Variants in HCRTR1 observed in about 807,000 individuals in gnomAD.
The protein encoded by HCRTR1 is orexin/Hypocretin receptor type 1.
HCRTR1 carries 28 observed loss-of-function variants against 40.6 expected under a neutral mutation model. The ratio of observed to expected loss-of-function variants is 0.69; its 90% CI spans 0.51 to 0.95. HCRTR1 has a LOEUF of 0.95. Ranked by LOEUF, HCRTR1 falls within the 40% of genes least tolerant of loss-of-function variation. The pLI, the probability that HCRTR1 is intolerant of heterozygous loss-of-function variation, is 0.00. For synonymous variants in HCRTR1, 209 were observed against 230.0 expected (o/e 0.91, Z 0.83); for missense variants, 482 against 564.7 (o/e 0.85, Z 1.48).
downstream of HCRTR1, chr1:31,632,472 C>T (rs748792832): frequency 1.2e-5 from 20 of 1,614,116 alleles, no homozygotes; most frequent in South Asian, 3.3e-5. Flanking sequence ...TCCTGCCCAT[C>T]GTGCCCCGGC....
rs1169844271 is a variant in HCRTR1, at chr1:31,627,162, T to C, written c.*182T>C. On this transcript the variant is annotated 3_prime_UTR_variant, in exon 9 of 9. Transcript: ENST00000403528. ...GCAGGGTTGATGTGAGGATTAAGCA[T>C]GCTGAAGCAAGTGGAAAGCTCCTTG... 10 of 1,432,938 alleles carry C rather than the reference T, an allele frequency of 7.0e-6. No individual in the cohort carries two copies. Among genetic ancestry groups the C allele is most frequent in the Non-Finnish European group, 9.3e-6 (10 of 1,075,498 alleles). 88.8% of individuals were successfully genotyped at this position (1,432,938 alleles called of 1,614,324 possible).
In HCRTR1 at chr1:31,625,107, A is replaced by C. The variant is rs1416548546; in HGVS notation, c.1076A>C (p.Asn359Thr). The C allele has an allele frequency of 1.2e-6, 2 of 1,610,328 alleles. No homozygotes were observed. The highest frequency in any genetic ancestry group is 3.4e-5 in the Admixed American group (2 of 59,694). Residue 359 changes from asparagine to threonine, a missense_variant, in exon 8 of 9, where the codon AAC becomes ACC. Transcript: ENST00000403528. This position sits in a 1 kb window ranked among gnomAD's most constrained non-coding sequence, Gnocchi z 4.2. ...ANSAANPIIYNFLSGKFREQF... is the reference protein window; with the variant it reads ...ANSAANPIIYTFLSGKFREQF... ...AGCGCTGCCAACCCCATCATCTACA[A>C]CTTCCTCAGTGGTGAGCAGGCTGGG...
chr1:31,619,849 C>A, intron 4 of HCRTR1, 139 bp downstream of exon 4: 1 of 769,198 alleles, frequency 1.3e-6, no homozygotes, highest in Non-Finnish European at 2.0e-6. Flanking sequence ...TCATCCTCTG[C>A]TGCTAGCAAG....
At chr1:31,624,311 T>TA (rs1403368184) in intron 7 of HCRTR1, among the ~76,000 whole-genome samples, 1 of 151,984 alleles carries the variant, frequency 6.6e-6, no homozygotes, top group Non-Finnish European at 1.5e-5. Context: ...TTCAAAAAAT[T>TA]AGCCAGCCAT....
At chr1:31,627,622 T>C, downstream of HCRTR1, 1 of 327,928 alleles carries the variant, frequency 3.0e-6, no homozygotes, top group Non-Finnish European at 6.1e-6. Context: ...AATGTTCCCT[T>C]TCCTTGTCAT....
In HCRTR1 at chr1:31,627,149, T is replaced by C; in HGVS notation, c.*169T>C. The C allele has an allele frequency of 1.4e-6, 2 of 1,416,858 alleles. No homozygotes were observed. Among genetic ancestry groups the C allele is most frequent in the Non-Finnish European group, 1.9e-6 (2 of 1,062,710 alleles). 87.8% of individuals were successfully genotyped at this position (1,416,858 alleles called of 1,614,324 possible). A position where few individuals can be genotyped will look rare whatever the true frequency, so the allele number is the denominator to read the frequency against. On this transcript the variant is annotated 3_prime_UTR_variant, in exon 9 of 9. Transcript: ENST00000403528. ...TTGTGTCCCCTAAGCAGGGTTGATGTGAGGATTAAGCATGCTGAAGCAAGT... is the reference window on the plus strand; with the variant it reads ...TTGTGTCCCCTAAGCAGGGTTGATGCGAGGATTAAGCATGCTGAAGCAAGT...
Position 31,626,912 on chromosome 1 carries a change from A to G in HCRTR1, c.1210A>G (p.Ser404Gly). 1.2e-6 allele frequency: 2 copies of G among 1,613,950 alleles called. No homozygotes were observed. Among genetic ancestry groups the G allele is most frequent in the Non-Finnish European group, 1.7e-6 (2 of 1,180,026 alleles). Residue 404 changes from serine to glycine, a missense_variant, in exon 9 of 9, where the codon AGC (serine) becomes GGC (glycine). Transcript: ENST00000403528. This position sits in a 1 kb window ranked among gnomAD's most constrained non-coding sequence, Gnocchi z 4.6. ...SASHKSLSLQSRCSISKISEH... is the reference protein window; with the variant it reads ...SASHKSLSLQGRCSISKISEH... Reference sequence around the variant, plus strand: ...CAGCCACAAGTCCTTGTCCTTGCAGAGCCGATGCTCCATCTCCAAAATCTC... The same window carrying G: ...CAGCCACAAGTCCTTGTCCTTGCAGGGCCGATGCTCCATCTCCAAAATCTC...
downstream of HCRTR1, chr1:31,629,749 T>C (rs1326803968): frequency 6.6e-6 from 1 of 152,274 alleles, no homozygotes; most frequent in African/African-American, 2.4e-5. Context: ...ACATAGGCAA[T>C]GTCCCCCCAA....
At chr1:31,633,399 A>G, downstream of HCRTR1, 1 of 1,389,084 alleles carries the variant, frequency 7.2e-7, no homozygotes, top group East Asian at 2.4e-5. Context: ...TTTCTCCTAC[A>G]CACGAAGCTT....
At position 31,626,724 on chromosome 1, in the gene HCRTR1, T is replaced by G; in HGVS notation, c.1088-66T>G. 7.8e-7 allele frequency: 1 copy of G among 1,284,476 alleles called. No homozygotes were observed. Among genetic ancestry groups the G allele is most frequent in the Non-Finnish European group, 1.0e-6 (1 of 978,570 alleles). 79.6% of individuals were successfully genotyped at this position (1,284,476 alleles called of 1,614,324 possible). A position where few individuals can be genotyped will look rare whatever the true frequency, so the allele number is the denominator to read the frequency against. On this transcript the variant is annotated intron_variant, in intron 8 of 8. Coordinates refer to ENST00000403528, the MANE Select transcript of HCRTR1 (RefSeq NM_001525.3). This position sits in a 1 kb window ranked among gnomAD's most constrained non-coding sequence, Gnocchi z 4.6. ...TTGGCTGGAGCTGCGTGGGTGTCCC[T>G]GGGCTCAAGGCCCCTTCCTGCTGCA...
At position 31,626,759 on chromosome 1, in the gene HCRTR1, T is replaced by C; in HGVS notation, c.1088-31T>C. 1 of 1,455,884 alleles carries C rather than the reference T, an allele frequency of 6.9e-7. No homozygotes were observed. Among genetic ancestry groups the C allele is most frequent in the Non-Finnish European group, 9.3e-7 (1 of 1,079,126 alleles). 90.2% of individuals were successfully genotyped at this position (1,455,884 alleles called of 1,614,324 possible). ...GCCCCTTCCTGCTGCATCTGTCTCC[T>C]TATGGCTGTGTCTTTTGTCTCCCAA... On this transcript the variant is annotated intron_variant, in intron 8 of 8. Transcript: ENST00000403528. The surrounding 1 kb of genome is among the most constrained non-coding windows in gnomAD (Gnocchi z 4.6).
At chr1:31,633,316 T>C (rs1640167355), downstream of HCRTR1, 1 of 1,609,512 alleles carries the variant, frequency 6.2e-7, no homozygotes, top group Non-Finnish European at 8.5e-7. Context: ...GGGCGCCACC[T>C]GGAGGAAGGG....
downstream of HCRTR1, among the ~76,000 whole-genome samples, chr1:31,631,487 G>T (rs10798880): frequency 0.54 from 81,643 of 151,840 alleles, 23,045 homozygotes; most frequent in Non-Finnish European, 0.62. Context: ...CCTCTGTTCA[G>T]AACTTACCAG....
At chr1:31,630,426 G>GC, downstream of HCRTR1, 1 of 641,750 alleles carries the variant, frequency 1.6e-6, no homozygotes, top group Admixed American at 2.8e-5. Flanking sequence ...TGTGGCCTCA[G>GC]CCCCGGTCCT....
intron 1 of HCRTR1, chr1:31,618,100 G>C (rs1297656163): frequency 1.3e-5 from 2 of 152,608 alleles, no homozygotes; most frequent in Admixed American, 6.5e-5. Flanking sequence ...TCCCGCGGAC[G>C]GAGCGGGCCT....
intron 7 of HCRTR1, among the ~76,000 whole-genome samples, chr1:31,624,448 CA>C (rs11438872): frequency 9.0e-6 from 1 of 111,046 alleles, no homozygotes; most frequent in African/African-American, 5.0e-5. Flanking sequence ...ACAGCTGTCT[CA>C]AAAAAAAAAA....
rs1277404040 is a variant in HCRTR1 at position 31,619,729 on chromosome 1, C to T, written c.378+19C>T. The stretch of plus-strand genomic sequence containing the variant: ...TCTACAGGTGAGCTCTGCCCAGGCA[C>T]CCCTCACCACTCCTTGTCACGCCTG... On this transcript the variant is annotated intron_variant, in intron 4 of 8. Transcript: ENST00000403528. 1 of 1,571,378 alleles carries T rather than the reference C, an allele frequency of 6.4e-7. No individual in the cohort carries two copies. The highest frequency in any genetic ancestry group is 2.3e-5 in the East Asian group (1 of 44,368).
chr1:31,618,980 C>T (rs147837037), intron 2 of HCRTR1, 71 bp from the exon 3 acceptor site: 17 of 578,174 alleles, frequency 2.9e-5, no homozygotes, highest in African/African-American at 2.4e-4. Context: ...ATACGCAAAG[C>T]GCCTGGCACA....
In HCRTR1 at chr1:31,627,133, C is replaced by T. The variant is rs999698664; in HGVS notation, c.*153C>T. The T allele has an allele frequency of 8.4e-6, 12 of 1,424,374 alleles. No homozygotes were observed. Among genetic ancestry groups the T allele is most frequent in the Admixed American group, 2.3e-5 (1 of 43,088 alleles). The allele number at this position is 1,424,374 out of a possible 1,614,324, so 88.2% of individuals were successfully genotyped here. On this transcript the variant is annotated 3_prime_UTR_variant, in exon 9 of 9. Coordinates refer to ENST00000403528, the MANE Select transcript of HCRTR1 (RefSeq NM_001525.3). ...CTTCCTCTGTCTGAGCTTGTGTCCC[C>T]TAAGCAGGGTTGATGTGAGGATTAA...
Sources: gnomAD v4.1 joint callset for allele counts (sites outside exome capture counted in the v4.1 genomes callset) on GRCh38, gnomAD v4.1.1 for gene constraint, Gnocchi (gnomAD v3.1) non-coding constraint, MANE v1.5 for transcripts, NCBI Gene and HGNC (gene_info 2026-07-23, HGNC 2026-07-21) for gene names.